Variants in DGKG observed in about 807,000 individuals in gnomAD.
DGKG encodes DAG kinase gamma.
Under a neutral mutation model 105.3 loss-of-function variants are expected in DGKG, and 78 were observed. The ratio of observed to expected loss-of-function variants is 0.74; its 90% CI spans 0.62 to 0.89. The LOEUF is 0.89. Among genes scored for constraint, DGKG ranks in the 40% least tolerant of loss-of-function variants. The probability of loss-of-function intolerance (pLI) is 0.00; values close to 1 mark genes in which losing one functional copy is unlikely to be tolerated. For synonymous variants in DGKG, 346 were observed against 367.1 expected, an observed-to-expected ratio of 0.94 and a Z score of 0.66; for missense variants, 958 against 1,020.1, an observed-to-expected ratio of 0.94 and a Z score of 0.83.
At chr3:186,298,782 A>G (rs1723723237) in intron 3 of DGKG, among the ~76,000 whole-genome samples, 1 of 152,212 alleles carries the variant, frequency 6.6e-6, no homozygotes, top group African/African-American at 2.4e-5. Flanking sequence ...GAAAGTAGGA[A>G]AGACCTGGAA....
chr3:186,268,842 G>C lies in DGKG; in HGVS notation c.1075C>G (p.Gln359Glu). 6.2e-7 allele frequency: 1 copy of C among 1,614,002 alleles called. No individual in the cohort carries two copies. The highest frequency in any genetic ancestry group is 8.5e-7 in the Non-Finnish European group (1 of 1,179,990). The change falls in exon 12 of 25, where the codon CAG (glutamine) becomes GAG (glutamate). Residue 359 changes from glutamine (Q) to glutamate (E), a missense_variant. Physicochemically the swap from Gln to Glu is conservative, Grantham distance 29. Coordinates refer to ENST00000265022, the MANE Select transcript of DGKG (RefSeq NM_001346.3). Reference protein sequence around the residue: ...DRCHKSIKCYQSVTARHCVWC... With the variant: ...DRCHKSIKCYESVTARHCVWC... Reference sequence around the variant, plus strand: ...ACGCAGTGCCGCGCGGTGACACTCTGGTAGCACTTGATACTTTTGTGGCAC... The same window carrying C: ...ACGCAGTGCCGCGCGGTGACACTCTCGTAGCACTTGATACTTTTGTGGCAC...
At chr3:186,218,461 G>A (rs546954495) in intron 20 of DGKG, among the ~76,000 whole-genome samples, 17 of 124,000 alleles carry the variant, frequency 1.4e-4, no homozygotes, top group African/African-American at 4.3e-4. Flanking sequence ...CCGAGATCGC[G>A]CCACTGCACT....
chr3:186,266,795 A>C (rs1162779894), intron 13 of DGKG, among the ~76,000 whole-genome samples: 1 of 151,998 alleles, frequency 6.6e-6, no homozygotes, highest in African/African-American at 2.4e-5. Flanking sequence ...ATGGGGTTTC[A>C]CCATGTGGCC....
intron 22 of DGKG, among the ~76,000 whole-genome samples, chr3:186,171,136 A>G (rs1273391062): frequency 6.6e-6 from 1 of 152,224 alleles, no homozygotes; most frequent in Non-Finnish European, 1.5e-5. Context: ...AGTGGATCTC[A>G]CCCAACAACT....
chr3:186,335,905 A>G (rs1020263979), intron 1 of DGKG, among the ~76,000 whole-genome samples: 2 of 152,254 alleles, frequency 1.3e-5, no homozygotes, highest in African/African-American at 2.4e-5. Flanking sequence ...AGGATTAAAT[A>G]GCTTTTAGTA....
At chr3:186,212,172 G>A (rs1384081002) in intron 20 of DGKG, among the ~76,000 whole-genome samples, 2 of 152,220 alleles carry the variant, frequency 1.3e-5, no homozygotes, top group Non-Finnish European at 2.9e-5. Context: ...CTCTGTAGCT[G>A]CATTAAGGAA....
At position 186,203,496 on chromosome 3, in the gene DGKG, G is replaced by A. The variant is rs993239155; in HGVS notation, c.1917+8299C>T. On this transcript the variant is annotated intron_variant, in intron 21 of 24. Transcript: ENST00000265022. The surrounding 1 kb of genome is among the most constrained non-coding windows in gnomAD (Gnocchi z 4.9). ...GGTTAGCCCACATATTAGGAGTAGC[G>A]GAAAGAAACCGATTAGGAGGAAGCA... Among the ~76,000 whole-genome samples, 11 of 152,258 alleles carry A rather than the reference G, an allele frequency of 7.2e-5. No individual in the cohort carries two copies. Among genetic ancestry groups the A allele is most frequent in the African/African-American group, 1.9e-4 (8 of 41,552 alleles).
At chr3:186,209,088 C>CTTTTTTTTTTTTTTTT (rs1560096022) in intron 21 of DGKG, among the ~76,000 whole-genome samples, 4 of 124,888 alleles carry the variant, frequency 3.2e-5, no homozygotes, top group African/African-American at 1.3e-4. Flanking sequence ...CTTCAGTTTA[C>CTTTTTTTTTTTTTTTT]TCTTCTTTTT....
intron 16 of DGKG, among the ~76,000 whole-genome samples, chr3:186,259,612 G>A (rs1478469942): frequency 6.6e-6 from 1 of 152,162 alleles, no homozygotes; most frequent in East Asian, 1.9e-4. Context: ...AGCTGAACCC[G>A]GAGCAGAAAT....
chr3:186,177,220 G>A (rs369722198), intron 22 of DGKG, among the ~76,000 whole-genome samples: 1 of 152,160 alleles, frequency 6.6e-6, no homozygotes, highest in Non-Finnish European at 1.5e-5. Flanking sequence ...GGCTGAAAAA[G>A]CTTCATCTCT....
At chr3:186,259,358 G>GCAGTGATGGCAATCACGGTGA (rs1249574882) in intron 16 of DGKG, among the ~76,000 whole-genome samples, 8 of 152,224 alleles carry the variant, frequency 5.3e-5, no homozygotes, top group Admixed American at 2.0e-4. Context: ...GTACTGTTCA[G>GCAGTGATGGCAATCACGGTGA]CAGTGATGGC....
At chr3:186,168,663 A>G (rs956674849) in intron 22 of DGKG, among the ~76,000 whole-genome samples, 4 of 152,136 alleles carry the variant, frequency 2.6e-5, no homozygotes, top group African/African-American at 9.7e-5. Context: ...CCTGGCCAAC[A>G]CGGTGAAACC....
At chr3:186,188,107 T>A in intron 22 of DGKG, 95 bp downstream of exon 22, 2 of 1,407,678 alleles carry the variant, frequency 1.4e-6, no homozygotes, top group South Asian at 2.5e-5. Context: ...GAGTCCTTGC[T>A]GGGCTGTGGG....
In DGKG at chr3:186,149,710, TG is replaced by T; in HGVS notation, c.*379del. The stretch of plus-strand genomic sequence containing the variant: ...CACCATAGGCAGGAAACCTGCAGCC[TG>T]CTCCTCGCGAGCGTCCATGAGGAAA... On this transcript the variant is annotated 3_prime_UTR_variant, in exon 25 of 25. Transcript: ENST00000265022. The T allele has an allele frequency of 9.9e-6, 10 of 1,013,356 alleles. No homozygotes were observed. Among genetic ancestry groups the T allele is most frequent in the Non-Finnish European group, 1.1e-5 (9 of 846,658 alleles). 62.8% of individuals were successfully genotyped at this position (1,013,356 alleles called of 1,614,324 possible). A position where few individuals can be genotyped will look rare whatever the true frequency, so the allele number is the denominator to read the frequency against.
intron 1 of DGKG, among the ~76,000 whole-genome samples, chr3:186,360,433 G>T (rs934790387): frequency 1.3e-5 from 2 of 152,128 alleles, no homozygotes; most frequent in African/African-American, 4.8e-5. Flanking sequence ...GAGTACGACC[G>T]GGAAGTTGGC....
chr3:186,340,896 C>T (rs948921466), intron 1 of DGKG, among the ~76,000 whole-genome samples: 4 of 152,182 alleles, frequency 2.6e-5, no homozygotes, highest in Non-Finnish European at 1.5e-5. Flanking sequence ...TGTAACAGCA[C>T]CTCCAGTTTC....
At chr3:186,289,720 G>C (rs1723230489) in intron 5 of DGKG, among the ~76,000 whole-genome samples, 1 of 152,122 alleles carries the variant, frequency 6.6e-6, no homozygotes, top group African/African-American at 2.4e-5. Flanking sequence ...AGGGAACAAA[G>C]GGAAGATGGA....
intron 21 of DGKG, among the ~76,000 whole-genome samples, chr3:186,206,940 G>A (rs1036294499): frequency 6.6e-6 from 1 of 151,992 alleles, no homozygotes; most frequent in African/African-American, 2.4e-5. Flanking sequence ...GTAGAGATGA[G>A]GTTTTACCAT....
chr3:186,321,904 C>T (rs983976327), intron 1 of DGKG, among the ~76,000 whole-genome samples: 2 of 152,140 alleles, frequency 1.3e-5, no homozygotes, highest in Admixed American at 6.5e-5. Context: ...CTGAGAAGTC[C>T]AACTCTCTCC....
Sources: allele counts gnomAD v4.1 joint callset (sites outside exome capture counted in the v4.1 genomes callset), GRCh38; gene constraint gnomAD v4.1.1; non-coding constraint Gnocchi (gnomAD v3.1); transcripts MANE v1.5; gene names NCBI Gene and HGNC (gene_info 2026-07-23, HGNC 2026-07-21).